MBOAT7: variants seen among roughly 807,000 people sequenced by gnomAD.
MBOAT7 encodes membrane-bound acylglycerophosphatidylinositol O-acyltransferase MBOAT7.
MBOAT7 carries 40 observed loss-of-function variants against 47.4 expected under a neutral mutation model. That is an observed-to-expected ratio of 0.84 (90% CI 0.66 to 1.10). The LOEUF (loss-of-function observed/expected upper bound fraction) is 1.10, where lower values mean the gene tolerates loss of function less well. Among genes scored for constraint, MBOAT7 ranks in the 50% least tolerant of loss-of-function variants. MBOAT7 has a pLI of 0.00. For synonymous variants in MBOAT7, 361 were observed against 292.0 expected, an observed-to-expected ratio of 1.24 and a Z score of -2.41; for missense variants, 680 against 655.6, an observed-to-expected ratio of 1.04 and a Z score of -0.41.
chr19:54,186,814 C>T lies in MBOAT7; in HGVS notation c.333+347G>A, dbSNP rs572837313. The T allele has an allele frequency of 4.8e-5, 14 of 289,696 alleles. No individual in the cohort carries two copies. The South Asian group carries it at 9.4e-4, about 20-fold the overall frequency. 17.9% of individuals were successfully genotyped at this position (289,696 alleles called of 1,614,324 possible). Reference sequence around the variant, plus strand: ...TTGTTCCCTTCACCAAGTACCTTCTCCCCAGAGCTGGTTTTTCTCCTTTGC... The same window carrying T: ...TTGTTCCCTTCACCAAGTACCTTCTTCCCAGAGCTGGTTTTTCTCCTTTGC... On this transcript the variant is annotated intron_variant, in intron 4 of 7. Transcript: ENST00000245615.
rs760122418 is a variant in MBOAT7 at position 54,174,098 on chromosome 19, C to T, written c.1365G>A (p.Arg455=). The T allele has an allele frequency of 8.1e-6, 13 of 1,607,538 alleles. No homozygotes were observed. In the East Asian group the frequency reaches 2.2e-4, roughly 28 times the overall value. The part of the protein sequence containing the change: ...LALGGGSPSR[R]KAASQPTSLA... ...GGCTGGTGGGCTGGGATGCTGCCTT[C>T]CGCCGGCTGGGGCTGCCCCCACCTA... Residue 455 remains arginine (R), a synonymous_variant, in exon 8 of 8, where the codon CGG becomes CGA. Transcript: ENST00000245615.
At chr19:54,186,985 C>A in intron 4 of MBOAT7, 176 bp downstream of exon 4, 1 of 772,338 alleles carries the variant, frequency 1.3e-6, no homozygotes, top group Non-Finnish European at 2.0e-6. Context: ...AGGTGAAGAC[C>A]TGCCCAAGGG....
chr19:54,188,769 A>C (rs925488273), intron 1 of MBOAT7, among the ~76,000 whole-genome samples: 1 of 152,028 alleles, frequency 6.6e-6, no homozygotes, highest in African/African-American at 2.4e-5. Flanking sequence ...AGAACCCAGG[A>C]AAGTGTGGGG....
Position 54,188,602 on chromosome 19 carries a change from A to G in MBOAT7, c.-3-91T>C, listed in dbSNP as rs2076529872. 8 of 1,262,292 alleles carry G rather than the reference A, an allele frequency of 6.3e-6. No individual in the cohort carries two copies. The South Asian group carries it at 1.1e-4, about 18-fold the overall frequency. The allele number at this position is 1,262,292 out of a possible 1,614,324, so 78.2% of individuals were successfully genotyped here. A position where few individuals can be genotyped will look rare whatever the true frequency, so the allele number is the denominator to read the frequency against. On this transcript the variant is annotated intron_variant, in intron 1 of 7. Coordinates refer to ENST00000245615, the MANE Select transcript of MBOAT7 (RefSeq NM_024298.5). ...CGAGGATCCAGGAACCCAGCCTTCT[A>G]GACCCCAGTTTTTGAGGATGATGGA...
intron 5 of MBOAT7, among the ~76,000 whole-genome samples, chr19:54,181,430 A>G (rs1251410022): frequency 6.6e-6 from 1 of 151,830 alleles, no homozygotes; most frequent in Non-Finnish European, 1.5e-5. Context: ...CCTAGCTGGG[A>G]GGACTGCTTG....
intron 7 of MBOAT7, chr19:54,178,315 C>T: frequency 9.7e-7 from 1 of 1,034,252 alleles, no homozygotes; most frequent in Non-Finnish European, 1.2e-6. Context: ...ACACAGCACG[C>T]ACTTACCTGT....
chr19:54,175,716 A>ATTTC lies in MBOAT7; in HGVS notation c.1032-1289_1032-1286dup, dbSNP rs2076088082. On this transcript the variant is annotated intron_variant, in intron 7 of 7. Transcript: ENST00000245615. The stretch of plus-strand genomic sequence containing the variant: ...AGGCAAGCGCCACCAAACTCAGCTA[A>ATTTC]TTTCTGTATTTTTTGTTGTTGTTGT... 2.0e-5 allele frequency among the ~76,000 whole-genome samples: 3 copies of ATTTC among 151,966 alleles called. No homozygotes were observed. In the South Asian group the frequency reaches 6.2e-4, roughly 32 times the overall value.
At position 54,188,463 on chromosome 19, in the gene MBOAT7, T is replaced by C. The variant is rs773505262; in HGVS notation, c.46A>G (p.Ile16Val). The change falls in exon 2 of 8, where the codon ATC (isoleucine) becomes GTC (valine). Residue 16 changes from isoleucine (I) to valine (V), a missense_variant. Transcript: ENST00000245615. The stretch of plus-strand genomic sequence containing the variant: ...TTCTTAAAGAGGAAGCCGATGGGGA[T>C]GGAGATAAGAAGAACCACTAGATAC... ...WTYLVVLLISIPIGFLFKKAG... is the reference protein window; with the variant it reads ...WTYLVVLLISVPIGFLFKKAG... 5.8e-6 allele frequency: 9 copies of C among 1,556,760 alleles called. No homozygotes were observed. The highest frequency in any genetic ancestry group is 3.3e-4 in the Middle Eastern group (2 of 6,000).
chr19:54,173,915 G>T lies in MBOAT7; in HGVS notation c.*129C>A. ...CGGGTCTGCTTCAGTTGCAGGCAGG[G>T]TATTTAGCTGGGGAAGAGGAAATTC... On this transcript the variant is annotated 3_prime_UTR_variant, in exon 8 of 8. Coordinates refer to ENST00000245615, the MANE Select transcript of MBOAT7 (RefSeq NM_024298.5). The T allele has an allele frequency of 8.5e-7, 1 of 1,179,656 alleles. No individual in the cohort carries two copies. Among genetic ancestry groups the T allele is most frequent in the Non-Finnish European group, 1.2e-6 (1 of 869,328 alleles). The allele number at this position is 1,179,656 out of a possible 1,614,324, so 73.1% of individuals were successfully genotyped here.
Position 54,188,449 on chromosome 19 carries a change from G to A in MBOAT7, c.60C>T (p.Phe20=). The change falls in exon 2 of 8, where the codon TTC becomes TTT. Residue 20 remains phenylalanine (F), a synonymous_variant. Coordinates refer to ENST00000245615, the MANE Select transcript of MBOAT7 (RefSeq NM_024298.5). ...CTGACTCACCGGCTTTCTTAAAGAG[G>A]AAGCCGATGGGGATGGAGATAAGAA... ...VVLLISIPIG[F]LFKKAGPGLK... 6 of 1,559,224 alleles carry A rather than the reference G, an allele frequency of 3.8e-6. No homozygotes were observed. The highest frequency in any genetic ancestry group is 5.2e-6 in the Non-Finnish European group (6 of 1,150,600).
At chr19:54,179,318 T>G in intron 6 of MBOAT7, 1 of 265,360 alleles carries the variant, frequency 3.8e-6, no homozygotes, top group Admixed American at 4.8e-5. Context: ...GACACTGCAG[T>G]TGCCAGGGAA....
intron 3 of MBOAT7, among the ~76,000 whole-genome samples, chr19:54,187,810 G>A (rs1319128438): frequency 6.6e-6 from 1 of 152,112 alleles, no homozygotes; most frequent in East Asian, 1.9e-4. Context: ...AAGGTCAGGA[G>A]TTCGAGATCA....
At chr19:54,187,322 C>T (rs1159413739) in intron 3 of MBOAT7, 35 bp from the exon 4 acceptor site, 1 of 1,571,546 alleles carries the variant, frequency 6.4e-7, no homozygotes, top group Non-Finnish European at 8.6e-7. Context: ...GTGTTGGGCA[C>T]AGAAGTCTCG....
intron 6 of MBOAT7, chr19:54,179,585 A>G (rs917470858): frequency 1.3e-5 from 2 of 152,676 alleles, no homozygotes; most frequent in Non-Finnish European, 2.9e-5. Context: ...ACACTGGCCC[A>G]TATGAAGCCT....
In MBOAT7 at chr19:54,178,809, C is replaced by G. The variant is rs376378590; in HGVS notation, c.987G>C (p.Ala329=). The change falls in exon 7 of 8, where the codon GCG becomes GCC. Residue 329 remains alanine (A), a synonymous_variant. Transcript: ENST00000245615. ...CAGGTGCGCTCTTGTAGATATACTG[C>G]GCCAGCCACCACTGCACCGTCATGT... ...YWNMTVQWWL[A]QYIYKSAPAR... 3 of 1,613,370 alleles carry G rather than the reference C, an allele frequency of 1.9e-6. No homozygotes were observed. The highest frequency in any genetic ancestry group is 2.5e-6 in the Non-Finnish European group (3 of 1,180,010).
At chr19:54,183,790 G>T in intron 4 of MBOAT7, 110 bp from the exon 5 acceptor site, 1 of 1,130,832 alleles carries the variant, frequency 8.8e-7, no homozygotes, top group Non-Finnish European at 1.2e-6. Context: ...GGTGCCCGCA[G>T]CTCTGCCCAT....
At position 54,187,251 on chromosome 19, in the gene MBOAT7, G is replaced by A; in HGVS notation, c.243C>T (p.Ser81=). ...TGAGGGCTCGGAAGAACAGGAGATA[G>A]GAGAAAGTCCAGGCCAGAGCCAGGG... ...CHALALAWTF[S]YLLFFRALSL... The change falls in exon 4 of 8, where the codon TCC becomes TCT. Residue 81 remains serine, a synonymous_variant. Transcript: ENST00000245615. 1.2e-6 allele frequency: 2 copies of A among 1,610,598 alleles called. No individual in the cohort carries two copies. The highest frequency in any genetic ancestry group is 8.5e-7 in the Non-Finnish European group (1 of 1,178,662).
intron 5 of MBOAT7, among the ~76,000 whole-genome samples, chr19:54,182,743 C>T (rs1223662821): frequency 6.6e-6 from 1 of 152,052 alleles, no homozygotes; most frequent in Non-Finnish European, 1.5e-5. Flanking sequence ...CTCTGTTGCC[C>T]AGGATGGAGT....
In MBOAT7 at chr19:54,181,030, C is replaced by T. The variant is rs1301163697; in HGVS notation, c.597G>A (p.Pro199=). 3 of 1,551,508 alleles carry T rather than the reference C, an allele frequency of 1.9e-6. No homozygotes were observed. Among genetic ancestry groups the T allele is most frequent in the Middle Eastern group, 1.9e-4 (1 of 5,364 alleles). The change falls in exon 6 of 8, where the codon CCG becomes CCA. Residue 199 remains proline (P), a synonymous_variant. Transcript: ENST00000245615. ...RPLLRRAWPA[P]LFGLLFLLSS... ...AGAGCAGGAACAGCAGGCCGAAGAG[C>T]GGGGCCGGCCAGGCGCGGCGCAGCA...
Sources: allele counts gnomAD v4.1 joint callset (sites outside exome capture counted in the v4.1 genomes callset), GRCh38; gene constraint gnomAD v4.1.1; transcripts MANE v1.5; gene names NCBI Gene and HGNC (gene_info 2026-07-23, HGNC 2026-07-21).